The following DNAH6 variants were observed in gnomAD, a reference collection of about 807,000 sequenced individuals.
The protein encoded by DNAH6 is axonemal beta dynein heavy chain 6.
Under a neutral mutation model 491.4 loss-of-function variants are expected in DNAH6, and 340 were observed. The observed-to-expected ratio is 0.69, with a 90% CI of 0.63 to 0.76. The LOEUF is 0.76. Ranked by LOEUF, DNAH6 falls within the 30% of genes least tolerant of loss-of-function variation. The pLI, the probability that DNAH6 is intolerant of heterozygous loss-of-function variation, is 0.00. For synonymous variants in DNAH6, 1,603 were observed against 1,686.1 expected, an observed-to-expected ratio of 0.95 and a Z score of 1.21; for missense variants, 4,443 against 4,972.2, an observed-to-expected ratio of 0.89 and a Z score of 3.20.
chr2:84,763,639 G>T (rs1225117292), intron 64 of DNAH6, among the ~76,000 whole-genome samples: 1 of 151,642 alleles, frequency 6.6e-6, no homozygotes, highest in African/African-American at 2.4e-5. Context: ...TGGAATTAAG[G>T]ATGGATTCCA....
intron 18 of DNAH6, among the ~76,000 whole-genome samples, chr2:84,598,181 C>CTTTCTT (rs1684860253): frequency 4.2e-4 from 6 of 14,426 alleles, no homozygotes; most frequent in South Asian, 3.0e-3. Flanking sequence ...CTTTCTTTCT[C>CTTTCTT]TCTTTCTTTT....
In DNAH6 at chr2:84,650,977, G is replaced by C. The variant is rs80311236; in HGVS notation, c.5079-2342G>C. Among the ~76,000 whole-genome samples the C allele has an allele frequency of 4.6e-3, 702 of 152,250 alleles. 26 individuals are homozygous for C. In the East Asian group the frequency reaches 0.093, roughly 20 times the overall value. On this transcript the variant is annotated intron_variant, in intron 33 of 76. Transcript: ENST00000389394. ...ATGCAACTTTGTTACTGCCAGGTGGGGATAGAATTCAAGCTTTATTGATAT... is the reference window on the plus strand; with the variant it reads ...ATGCAACTTTGTTACTGCCAGGTGGCGATAGAATTCAAGCTTTATTGATAT...
At chr2:84,647,696 G>A (rs1690032123) in intron 33 of DNAH6, among the ~76,000 whole-genome samples, 2 of 152,150 alleles carry the variant, frequency 1.3e-5, no homozygotes, top group Admixed American at 6.5e-5. Context: ...GTACTCGCTG[G>A]CAGCACTTGT....
At chr2:84,774,526 G>A (rs187498276) in intron 64 of DNAH6, among the ~76,000 whole-genome samples, 42 of 152,064 alleles carry the variant, frequency 2.8e-4, no homozygotes, top group African/African-American at 7.7e-4. Flanking sequence ...TTTTTACACG[G>A]GATTGCTTTG....
intron 20 of DNAH6, among the ~76,000 whole-genome samples, chr2:84,606,693 G>C (rs1052604522): frequency 6.6e-6 from 1 of 152,120 alleles, no homozygotes; most frequent in Non-Finnish European, 1.5e-5. Context: ...TGAAGGGAGA[G>C]AGGAAAAGAG....
rs985956126 is a variant in DNAH6 at position 84,616,907 on chromosome 2, A to C, written c.3497A>C (p.Asn1166Thr). 1.8e-5 allele frequency: 26 copies of C among 1,484,880 alleles called. No individual in the cohort carries two copies. In the African/African-American group the frequency reaches 3.6e-4, roughly 21 times the overall value. The allele number at this position is 1,484,880 out of a possible 1,614,324, so 92.0% of individuals were successfully genotyped here. A position where few individuals can be genotyped will look rare whatever the true frequency, so the allele number is the denominator to read the frequency against. Residue 1166 changes from asparagine to threonine, a missense_variant, in exon 23 of 77, where the codon AAC (asparagine) becomes ACC (threonine). By Grantham distance (65) the Asn-to-Thr change is moderately conservative. Transcript: ENST00000389394. ...ACAGGACTTCTGGAAACTTTTCAAA[A>C]CAATAATGCATTACTTGACCAAATT... is the stretch of plus-strand genomic sequence containing the variant. ...TQPGLLETFQ[N>T]NNALLDQIQK...
intron 4 of DNAH6, among the ~76,000 whole-genome samples, chr2:84,533,871 T>A (rs1374331736): frequency 6.6e-6 from 1 of 152,126 alleles, no homozygotes; most frequent in Non-Finnish European, 1.5e-5. Context: ...CAGAACTATG[T>A]GACAGAAGTT....
At chr2:84,616,500 A>C (rs1004200487) in intron 22 of DNAH6, among the ~76,000 whole-genome samples, 5 of 152,108 alleles carry the variant, frequency 3.3e-5, no homozygotes, top group African/African-American at 1.2e-4. Flanking sequence ...CTTAAATAAG[A>C]ATAGCTACTC....
At chr2:84,487,362 C>T in the DNAH6 span, among the ~76,000 whole-genome samples, 1 of 152,262 alleles carries the variant, frequency 6.6e-6, no homozygotes, top group African/African-American at 2.4e-5. Context: ...AATCCAGGCA[C>T]CACAGTTATC....
chr2:84,667,682 C>T (rs1242265684), intron 37 of DNAH6, among the ~76,000 whole-genome samples: 2 of 152,146 alleles, frequency 1.3e-5, no homozygotes, highest in African/African-American at 2.4e-5. Flanking sequence ...GACAGTGTGG[C>T]GATTCCTCAA....
intron 11 of DNAH6, among the ~76,000 whole-genome samples, chr2:84,571,843 G>T (rs751063638): frequency 6.6e-6 from 1 of 151,738 alleles, no homozygotes; most frequent in Non-Finnish European, 1.5e-5. Flanking sequence ...GCTTGAGCCC[G>T]AGAGGTGGAG....
chr2:84,479,711 G>T, the DNAH6 span, among the ~76,000 whole-genome samples: 2 of 152,210 alleles, frequency 1.3e-5, no homozygotes, highest in Non-Finnish European at 2.9e-5. Flanking sequence ...AGAAAGTAGG[G>T]CCCTGGGGCC....
At chr2:84,594,137 T>A in intron 17 of DNAH6, 52 bp downstream of exon 17, 2 of 973,902 alleles carry the variant, frequency 2.1e-6, no homozygotes, top group Non-Finnish European at 1.6e-6. Flanking sequence ...GAATTAATCT[T>A]AAAATTCTAA....
chr2:84,631,453 A>G (rs567399057), intron 29 of DNAH6, among the ~76,000 whole-genome samples: 16 of 152,152 alleles, frequency 1.1e-4, no homozygotes, highest in Non-Finnish European at 2.2e-4. Context: ...CATGCCTAAT[A>G]TCTGTGAATG....
intron 11 of DNAH6, among the ~76,000 whole-genome samples, chr2:84,571,897 G>A (rs780831082): frequency 6.6e-6 from 1 of 151,906 alleles, no homozygotes; most frequent in Non-Finnish European, 1.5e-5. Flanking sequence ...CAGCCTGGGT[G>A]ACAGAGAGAG....
chr2:84,474,460 C>T, the DNAH6 span, among the ~76,000 whole-genome samples: 1 of 152,192 alleles, frequency 6.6e-6, no homozygotes, highest in African/African-American at 2.4e-5. Flanking sequence ...ACACCCCAAT[C>T]CGGTCCAATC....
Position 84,701,271 on chromosome 2 carries a change from A to G in DNAH6, c.7993A>G (p.Thr2665Ala). 6.4e-7 allele frequency: 1 copy of G among 1,551,708 alleles called. No individual in the cohort carries two copies. Residue 2665 changes from threonine to alanine, a missense_variant, in exon 49 of 77, where the codon ACC becomes GCC. Physicochemically the swap from Thr to Ala is moderately conservative, Grantham distance 58. Transcript: ENST00000389394. ...GCGCAGGCGGTACTACACGACACCCACCTCCTACCTGGAGCTTATCAATCT... is the reference window on the plus strand; with the variant it reads ...GCGCAGGCGGTACTACACGACACCCGCCTCCTACCTGGAGCTTATCAATCT... The part of the protein sequence containing the change: ...ELRRRYYTTP[T>A]SYLELINLYL...
chr2:84,643,658 C>G (rs1021730297), intron 33 of DNAH6, among the ~76,000 whole-genome samples: 1 of 152,148 alleles, frequency 6.6e-6, no homozygotes, highest in Non-Finnish European at 1.5e-5. Context: ...TACTAATAAG[C>G]CTATCAAAGG....
At chr2:84,529,650 G>C (rs1244004251) in intron 4 of DNAH6, among the ~76,000 whole-genome samples, 1 of 152,128 alleles carries the variant, frequency 6.6e-6, no homozygotes, top group Non-Finnish European at 1.5e-5. Flanking sequence ...ATTTGTTGTT[G>C]ATATAATTGG....
Sources: allele counts gnomAD v4.1 joint callset (sites outside exome capture counted in the v4.1 genomes callset), GRCh38; gene constraint gnomAD v4.1.1; transcripts MANE v1.5; gene names NCBI Gene and HGNC (gene_info 2026-07-23, HGNC 2026-07-21).